The following MAX variants were observed in gnomAD, a reference collection of about 807,000 sequenced individuals.
MAX encodes protein max.
In MAX, 3 loss-of-function variants were observed where a neutral mutation model predicts 22.3. The ratio of observed to expected loss-of-function variants is 0.13; its 90% confidence interval spans 0.06 to 0.35. The LOEUF is 0.35. MAX is among the 10% of genes least tolerant of loss of function. The probability of loss-of-function intolerance (pLI) is 1.00; values close to 1 mark genes in which losing one functional copy is unlikely to be tolerated. For synonymous variants in MAX, 72 were observed against 77.7 expected, an observed-to-expected ratio of 0.93 and a Z score of 0.39; for missense variants, 119 against 209.4, an observed-to-expected ratio of 0.57 and a Z score of 2.66.
At chr14:65,098,245 A>C (rs2063724811) in intron 2 of MAX, among the ~76,000 whole-genome samples, 2 of 152,234 alleles carry the variant, frequency 1.3e-5, no homozygotes, top group Non-Finnish European at 2.9e-5. Context: ...AAGTACATGC[A>C]TTGTGCAGCA....
At position 65,088,865 on chromosome 14, in the gene MAX, ATGC is replaced by A. The variant is rs1242473250; in HGVS notation, c.171+4840_171+4842del. Among the ~76,000 whole-genome samples, 1 of 151,504 alleles carries A rather than the reference ATGC, an allele frequency of 6.6e-6. No homozygotes were observed. Among genetic ancestry groups the A allele is most frequent in the Non-Finnish European group, 1.5e-5 (1 of 67,520 alleles). ...TAAATGTGTGTACATAAAAGTATAAATGCTATGAGAGCCTTTATCCTTAAGAAT... is the reference window on the plus strand; with the variant it reads ...TAAATGTGTGTACATAAAAGTATAAATATGAGAGCCTTTATCCTTAAGAAT... On this transcript the variant is annotated intron_variant, in intron 3 of 4. Coordinates refer to ENST00000358664, the MANE Select transcript of MAX (RefSeq NM_002382.5). The surrounding 1 kb of genome is among the most constrained non-coding windows in gnomAD (Gnocchi z 5.2).
At chr14:65,087,221 C>T (rs2093989) in intron 3 of MAX, among the ~76,000 whole-genome samples, 57,852 of 152,118 alleles carry the variant, frequency 0.38, 11,614 homozygotes, top group African/African-American at 0.5. Context: ...ACCTCTGCTA[C>T]GGCAGTGCAG....
chr14:65,015,410 CTTTTTTTTTTTT>C (rs888923691), intron 3 of MAX: 3 of 155,764 alleles, frequency 1.9e-5, no homozygotes, highest in African/African-American at 3.1e-5. Flanking sequence ...GCCTTGTTAT[CTTTTTTTTTTTT>C]TTTTTTTTTT....
intron 3 of MAX, among the ~76,000 whole-genome samples, chr14:65,091,516 C>G (rs1595160468): frequency 6.6e-6 from 1 of 152,192 alleles, no homozygotes; most frequent in Admixed American, 6.5e-5. Flanking sequence ...TTTCTGCCAG[C>G]ATCTCCTGCC....
chr14:65,006,156 C>CTTTTTTTT (rs367570902), downstream of MAX: 11 of 1,501,220 alleles, frequency 7.3e-6, no homozygotes, highest in African/African-American at 3.0e-5. Flanking sequence ...ACCTTTGTGT[C>CTTTTTTTT]TTTTTTTTTT....
chr14:65,101,409 C>A, intron 2 of MAX, 137 bp downstream of exon 2: 3 of 782,076 alleles, frequency 3.8e-6, no homozygotes, highest in South Asian at 1.7e-5. Context: ...CAGAACCAGG[C>A]CCCACCTCAC....
At chr14:65,068,909 G>A (rs527699308) in intron 3 of MAX, among the ~76,000 whole-genome samples, 1 of 152,296 alleles carries the variant, frequency 6.6e-6, no homozygotes, top group East Asian at 1.9e-4. Context: ...CTGGGCTGAT[G>A]GGACAAAGGA....
chr14:65,076,244 G>A lies in MAX; in HGVS notation c.*232C>T. 1.4e-6 allele frequency: 2 copies of A among 1,429,236 alleles called. No homozygotes were observed. The highest frequency in any genetic ancestry group is 1.8e-6 in the Non-Finnish European group (2 of 1,097,840). 88.5% of individuals were successfully genotyped at this position (1,429,236 alleles called of 1,614,324 possible). A position where few individuals can be genotyped will look rare whatever the true frequency, so the allele number is the denominator to read the frequency against. ...GTTTTGGTTTAAAAATTCCTGTTGG[G>A]GACAGGGAATCCCTGAAGGGAATAC... is the stretch of plus-strand genomic sequence containing the variant. On this transcript the variant is annotated 3_prime_UTR_variant, in exon 5 of 5. Transcript: ENST00000358664. The surrounding 1 kb of genome is among the most constrained non-coding windows in gnomAD (Gnocchi z 6.6).
chr14:65,037,933 C>T (rs948891639), intron 3 of MAX, among the ~76,000 whole-genome samples: 17 of 151,628 alleles, frequency 1.1e-4, no homozygotes, highest in African/African-American at 3.9e-4. Context: ...GCGTGCGCCA[C>T]GACACCCAGC....
intron 3 of MAX, among the ~76,000 whole-genome samples, chr14:65,068,050 G>A (rs189083685): frequency 7.9e-5 from 12 of 152,006 alleles, no homozygotes; most frequent in African/African-American, 2.2e-4. Context: ...ACCCTTCATC[G>A]CCTGGCTGAG....
rs2062959974 is a variant in MAX, at chr14:65,069,063, TGAC to T, written c.171+24642_171+24644del. Among the ~76,000 whole-genome samples, 1 of 152,176 alleles carries T rather than the reference TGAC, an allele frequency of 6.6e-6. No individual in the cohort carries two copies. The highest frequency in any genetic ancestry group is 1.5e-5 in the Non-Finnish European group (1 of 68,026). On this transcript the variant is annotated intron_variant, in intron 3 of 3. Coordinates refer to the MAX transcript ENST00000341653. The surrounding 1 kb of genome is among the most constrained non-coding windows in gnomAD (Gnocchi z 4.6). ...CAGGTAAGGCAGATGCCGATGGTGA[TGAC>T]GTAAGTGCTAGGTGTCCATGCTCCT... is the stretch of plus-strand genomic sequence containing the variant.
Position 65,076,718 on chromosome 14 carries a change from C to A in MAX, c.296-55G>T. ...GCCTTCTGGAGACTTGGGGAGTAACCGAGTCTCAGACTCAGGGTCCAGCCT... is the reference window on the plus strand; with the variant it reads ...GCCTTCTGGAGACTTGGGGAGTAACAGAGTCTCAGACTCAGGGTCCAGCCT... On this transcript the variant is annotated intron_variant, in intron 4 of 4. Transcript: ENST00000358664. The surrounding 1 kb of genome is among the most constrained non-coding windows in gnomAD (Gnocchi z 6.6). 1 of 1,607,394 alleles carries A rather than the reference C, an allele frequency of 6.2e-7. No homozygotes were observed. The highest frequency in any genetic ancestry group is 1.1e-5 in the South Asian group (1 of 90,788).
chr14:65,076,562 C>T lies in MAX; in HGVS notation c.397G>A (p.Ala133Thr), dbSNP rs750459929. The change falls in exon 5 of 5, where the codon GCC (alanine) becomes ACC (threonine). Residue 133 changes from alanine to threonine, a missense_variant. Around this residue, in one of 3 missense-constraint regions of MAX, gnomAD observed 95 missense variants for 148.1 expected, o/e 0.64. Transcript: ENST00000358664. The surrounding 1 kb of genome is among the most constrained non-coding windows in gnomAD (Gnocchi z 6.6). ...YTNAKGSTIS[A>T]FDGGSDSSSE... ...CTGGAGTCCGAGCCCCCATCGAAGG[C>T]AGAGATGGTGCTGCCCTTGGCGTTG... The T allele has an allele frequency of 4.7e-5, 76 of 1,614,028 alleles. No homozygotes were observed. The highest frequency in any genetic ancestry group is 6.1e-5 in the Non-Finnish European group (72 of 1,180,028).
chr14:65,022,090 T>C (rs2061898967), intron 3 of MAX: 1 of 455,922 alleles, frequency 2.2e-6, no homozygotes, highest in Non-Finnish European at 4.4e-6. Context: ...GCTGCCCGTC[T>C]TCACCTGTCC....
At chr14:65,038,206 C>T (rs2062258382) in intron 3 of MAX, among the ~76,000 whole-genome samples, 1 of 151,652 alleles carries the variant, frequency 6.6e-6, no homozygotes, top group African/African-American at 2.4e-5. Flanking sequence ...GTCAGGAGTT[C>T]GAGACCAGCT....
rs536003341 is a variant in MAX at position 65,051,566 on chromosome 14, G to A, written c.171+42142C>T. Among the ~76,000 whole-genome samples, 5 of 151,696 alleles carry A rather than the reference G, an allele frequency of 3.3e-5. No individual in the cohort carries two copies. In the South Asian group the frequency reaches 8.3e-4, roughly 25 times the overall value. ...GCGGAGGTTGCAGTGAGCCGAGATC[G>A]TGCCATTGCCCTCCAACCTGGGCAA... On this transcript the variant is annotated intron_variant, in intron 3 of 3. Coordinates refer to the MAX transcript ENST00000341653.
At chr14:65,016,477 C>T (rs544808101) in intron 3 of MAX, 1 of 152,352 alleles carries the variant, frequency 6.6e-6, no homozygotes, top group South Asian at 2.1e-4. Flanking sequence ...TCTCAGCTTC[C>T]TCTGGTGCTC....
intron 3 of MAX, among the ~76,000 whole-genome samples, chr14:65,037,913 G>A (rs1198203852): frequency 1.3e-5 from 2 of 151,644 alleles, no homozygotes; most frequent in Non-Finnish European, 2.9e-5. Flanking sequence ...CCAAGTAGCT[G>A]GGATTATAGG....
At chr14:65,085,597 T>G (rs2063309406) in intron 3 of MAX, among the ~76,000 whole-genome samples, 1 of 152,106 alleles carries the variant, frequency 6.6e-6, no homozygotes, top group East Asian at 1.9e-4. Flanking sequence ...AGGTGATAAG[T>G]TAATCACAGA....
Sources: gnomAD v4.1 joint callset for allele counts (sites outside exome capture counted in the v4.1 genomes callset) on GRCh38, gnomAD v4.1.1 for gene constraint, gnomAD v4.1.1 regional missense constraint, Gnocchi (gnomAD v3.1) non-coding constraint, MANE v1.5 for transcripts, NCBI Gene and HGNC (gene_info 2026-07-23, HGNC 2026-07-21) for gene names.